MTDH: variants seen among roughly 807,000 people sequenced by gnomAD.
MTDH encodes the protein metadherin, also known as protein LYRIC.
In MTDH, 34 loss-of-function variants were observed where a neutral mutation model predicts 72.7. That is an observed-to-expected ratio of 0.47 (90% confidence interval 0.36 to 0.62). MTDH has a LOEUF of 0.62. MTDH is among the 20% of genes least tolerant of loss of function. MTDH has a pLI of 0.00. For missense variants in MTDH, 677 were observed against 699.4 expected, an observed-to-expected ratio of 0.97 and a Z score of 0.36; for synonymous variants, 266 against 268.9, an observed-to-expected ratio of 0.99 and a Z score of 0.10.
intron 10 of MTDH, among the ~76,000 whole-genome samples, chr8:97,720,752 C>T (rs1815088701): frequency 6.7e-6 from 1 of 149,520 alleles, no homozygotes; most frequent in African/African-American, 2.5e-5. Context: ...CTCCTGGGTT[C>T]AGGCGATTTT....
At chr8:97,669,256 TCTC>T (rs1337770450) in intron 2 of MTDH, among the ~76,000 whole-genome samples, 1 of 151,692 alleles carries the variant, frequency 6.6e-6, no homozygotes, top group Non-Finnish European at 1.5e-5. Context: ...TTCAAGCAAT[TCTC>T]CTGCCTCAGC....
rs548902808 is a variant in MTDH, at chr8:97,729,527, C to G, written c.*4857C>G. 2.6e-5 allele frequency among the ~76,000 whole-genome samples: 4 copies of G among 152,266 alleles called. No homozygotes were observed. In the South Asian group the frequency reaches 8.3e-4, roughly 32 times the overall value. On this transcript the variant is annotated 3_prime_UTR_variant, in exon 12 of 12. Transcript: ENST00000336273. ...AACAGTGTCTGTCAGAGTTGACATA[C>G]ATTGTGTATCTCCTGCACCAAAGCA...
rs1043833680 is a variant in MTDH at position 97,696,313 on chromosome 8, T to C, written c.1049-3441T>C. On this transcript the variant is annotated intron_variant, in intron 6 of 11. Transcript: ENST00000336273. ...TTTCTGGTATGTGAAAAACAGTCTT[T>C]TGTTCAGCTAACAAAAACATTTGTT... The C allele has an allele frequency of 2.9e-5, 28 of 976,408 alleles. No individual in the cohort carries two copies. In the African/African-American group the frequency reaches 4.6e-4, roughly 16 times the overall value. 60.5% of individuals were successfully genotyped at this position (976,408 alleles called of 1,614,324 possible). A position where few individuals can be genotyped will look rare whatever the true frequency, so the allele number is the denominator to read the frequency against.
chr8:97,721,640 T>G (rs898911769), intron 10 of MTDH, among the ~76,000 whole-genome samples: 12 of 152,180 alleles, frequency 7.9e-5, no homozygotes, highest in Admixed American at 7.2e-4. Flanking sequence ...CAGATAGAGC[T>G]AATAGGTGAA....
chr8:97,666,014 G>C (rs1162469163), intron 2 of MTDH, among the ~76,000 whole-genome samples: 4 of 151,708 alleles, frequency 2.6e-5, no homozygotes, highest in East Asian at 1.9e-4. Flanking sequence ...TGTAGTCCCA[G>C]ATACTCAGGA....
At chr8:97,691,278 T>C in intron 6 of MTDH, 90 bp downstream of exon 6, 8 of 929,122 alleles carry the variant, frequency 8.6e-6, no homozygotes, top group Non-Finnish European at 1.3e-5. Flanking sequence ...AAACTATGAA[T>C]AGAAAAATAA....
chr8:97,649,808 G>T (rs1481343823), intron 1 of MTDH, among the ~76,000 whole-genome samples: 1 of 152,066 alleles, frequency 6.6e-6, no homozygotes, highest in Non-Finnish European at 1.5e-5. Flanking sequence ...TCACCATGTT[G>T]CCCACGCATG....
In MTDH at chr8:97,644,529, A is replaced by G; in HGVS notation, c.23A>G (p.Asp8Gly). Residue 8 changes from aspartate (D) to glycine (G), a missense_variant, in exon 1 of 12, where the codon GAC (aspartate) becomes GGC (glycine). Asp to Gly is a moderately conservative substitution (Grantham distance 94). Coordinates refer to ENST00000336273, the MANE Select transcript of MTDH (RefSeq NM_178812.4). ...AAGATGGCTGCACGGAGCTGGCAGG[A>G]CGAGCTGGCCCAGCAGGCCGAGGAG... MAARSWQ[D>G]ELAQQAEEGS... 3.8e-6 allele frequency: 6 copies of G among 1,594,164 alleles called. No homozygotes were observed. Among genetic ancestry groups the G allele is most frequent in the Non-Finnish European group, 5.1e-6 (6 of 1,175,238 alleles).
intron 2 of MTDH, among the ~76,000 whole-genome samples, chr8:97,681,110 A>G (rs780929380): frequency 1.3e-5 from 2 of 152,058 alleles, no homozygotes; most frequent in Non-Finnish European, 2.9e-5. Context: ...ATGGAGTGGA[A>G]CGTGAGCTGG....
intron 5 of MTDH, 21 bp downstream of exon 5, chr8:97,689,124 C>CT: frequency 6.8e-7 from 1 of 1,472,286 alleles, no homozygotes; most frequent in Non-Finnish European, 9.4e-7. Flanking sequence ...TTACATGTAA[C>CT]TTAAATTGAA....
At chr8:97,694,574 T>C (rs1813747927) in intron 6 of MTDH, among the ~76,000 whole-genome samples, 1 of 152,176 alleles carries the variant, frequency 6.6e-6, no homozygotes, top group South Asian at 2.1e-4. Flanking sequence ...TTGCTCTCCC[T>C]TCCTCCCCAT....
At chr8:97,681,333 G>A (rs1586237097) in intron 2 of MTDH, among the ~76,000 whole-genome samples, 1 of 151,934 alleles carries the variant, frequency 6.6e-6, no homozygotes, top group East Asian at 1.9e-4. Flanking sequence ...GTAAGGTTGA[G>A]ATCAATTTGT....
chr8:97,719,077 G>A lies in MTDH; in HGVS notation c.1409G>A (p.Arg470Lys). 1 of 1,612,036 alleles carries A rather than the reference G, an allele frequency of 6.2e-7. No homozygotes were observed. Among genetic ancestry groups the A allele is most frequent in the Non-Finnish European group, 8.5e-7 (1 of 1,178,828 alleles). The change falls in exon 10 of 12, where the codon AGA becomes AAA. Residue 470 changes from arginine (R) to lysine (K), a missense_variant. Physicochemically the swap from Arg to Lys is conservative, Grantham distance 26 (BLOSUM62 2). This residue lies in a region of MTDH where 201 missense variants were observed against 204.5 expected (regional missense o/e 0.98). Transcript: ENST00000336273. ...ACAGAAGAATTAGAAAAAGAGATTA[G>A]AGAAGACCTTCCAGTGAATACCTCT... is the stretch of plus-strand genomic sequence containing the variant. ...QDTEELEKEI[R>K]EDLPVNTSKT...
In MTDH at chr8:97,655,520, A is replaced by T. The variant is rs372976858; in HGVS notation, c.382-5552A>T. 2.6e-5 allele frequency among the ~76,000 whole-genome samples: 4 copies of T among 152,378 alleles called. No individual in the cohort carries two copies. In the East Asian group the frequency reaches 7.7e-4, roughly 29 times the overall value. On this transcript the variant is annotated intron_variant, in intron 1 of 11. Coordinates refer to ENST00000336273, the MANE Select transcript of MTDH (RefSeq NM_178812.4). The stretch of plus-strand genomic sequence containing the variant: ...TCCCAAAAGAATTTGCATCTGGAGC[A>T]TTGGACCTGATGGATGCCTGTCCAG...
intron 6 of MTDH, chr8:97,696,150 C>A: frequency 1.4e-6 from 1 of 692,430 alleles, no homozygotes; most frequent in Non-Finnish European, 1.8e-6. Context: ...CTTTACATAT[C>A]TTTCAAGTCT....
intron 2 of MTDH, among the ~76,000 whole-genome samples, chr8:97,666,746 G>A (rs1286368319): frequency 6.6e-6 from 1 of 152,152 alleles, no homozygotes; most frequent in Non-Finnish European, 1.5e-5. Flanking sequence ...CGCCCAGGGT[G>A]GAGTGCAGTG....
At chr8:97,696,659 TTAAAAC>T in intron 6 of MTDH, among the ~76,000 whole-genome samples, 1 of 152,202 alleles carries the variant, frequency 6.6e-6, no homozygotes, top group South Asian at 2.1e-4. Context: ...CATCATGAGT[TTAAAAC>T]TAACCCTTTC....
At chr8:97,681,317 AG>A (rs1813061499) in intron 2 of MTDH, among the ~76,000 whole-genome samples, 1 of 152,124 alleles carries the variant, frequency 6.6e-6, no homozygotes, top group South Asian at 2.1e-4. Context: ...GTATGAATAA[AG>A]GAATGTAAGG....
At chr8:97,676,786 G>A (rs189010823) in intron 2 of MTDH, among the ~76,000 whole-genome samples, 360 of 151,520 alleles carry the variant, frequency 2.4e-3, no homozygotes, top group African/African-American at 8.4e-3. Context: ...GACAGATCAC[G>A]AGGTCAGGAG....
Sources: allele counts gnomAD v4.1 joint callset (sites outside exome capture counted in the v4.1 genomes callset), GRCh38; gene constraint gnomAD v4.1.1; regional missense constraint gnomAD v4.1.1; transcripts MANE v1.5; gene names NCBI Gene and HGNC (gene_info 2026-07-23, HGNC 2026-07-21).